Variants in GAD1 observed in about 807,000 individuals in gnomAD.
GAD1 encodes 67 kDa glutamic acid decarboxylase.
In GAD1, 35 loss-of-function variants were observed where a neutral mutation model predicts 75.2. That is an observed-to-expected ratio of 0.47 (90% CI 0.36 to 0.62). The LOEUF is 0.62. GAD1 is among the 20% of genes least tolerant of loss of function. The probability of loss-of-function intolerance (pLI) is 0.00; values close to 1 mark genes in which losing one functional copy is unlikely to be tolerated. For missense variants in GAD1, 490 were observed against 758.5 expected (o/e 0.65, Z 4.16); for synonymous variants, 257 against 271.9 (o/e 0.95, Z 0.54).
intron 12 of GAD1, among the ~76,000 whole-genome samples, chr2:170,850,123 A>G (rs1289936535): frequency 6.6e-6 from 1 of 152,232 alleles, no homozygotes; most frequent in African/African-American, 2.4e-5. Flanking sequence ...CCAGCCACCT[A>G]TGGTGCTTTT....
At chr2:170,820,405 C>T (rs1575422452) in intron 2 of GAD1, among the ~76,000 whole-genome samples, 1 of 152,378 alleles carries the variant, frequency 6.6e-6, no homozygotes, top group African/African-American at 2.4e-5. Flanking sequence ...GTGTCCCAGG[C>T]ACACTGTTGC....
upstream of GAD1, among the ~76,000 whole-genome samples, chr2:170,814,705 A>C (rs1277528459): frequency 6.6e-6 from 1 of 152,200 alleles, no homozygotes; most frequent in Non-Finnish European, 1.5e-5. Context: ...AAAAGTCTTC[A>C]TTCCTCCCCT....
At chr2:170,848,666 T>C in intron 11 of GAD1, 1 of 515,772 alleles carries the variant, frequency 1.9e-6, no homozygotes, top group Non-Finnish European at 3.9e-6. Flanking sequence ...TTTCTTTCTC[T>C]CTGCCCATTT....
At chr2:170,813,969 A>G (rs1701654377), upstream of GAD1, among the ~76,000 whole-genome samples, 1 of 152,128 alleles carries the variant, frequency 6.6e-6, no homozygotes, top group Non-Finnish European at 1.5e-5. Flanking sequence ...AAGCGCTTCA[A>G]ATACAATCGA....
At chr2:170,814,848 T>G (rs989278950), upstream of GAD1, among the ~76,000 whole-genome samples, 6 of 152,172 alleles carry the variant, frequency 3.9e-5, no homozygotes, top group Non-Finnish European at 7.3e-5. Flanking sequence ...TAGGGGTGTT[T>G]TGAACTCTGG....
chr2:170,836,964 C>A lies in GAD1; in HGVS notation c.638+81C>A, dbSNP rs901525749. 9 of 966,012 alleles carry A rather than the reference C, an allele frequency of 9.3e-6. No homozygotes were observed. In the African/African-American group the frequency reaches 1.4e-4, roughly 16 times the overall value. The allele number at this position is 966,012 out of a possible 1,614,324, so 59.8% of individuals were successfully genotyped here. A position where few individuals can be genotyped will look rare whatever the true frequency, so the allele number is the denominator to read the frequency against. On this transcript the variant is annotated intron_variant, in intron 6 of 16. Transcript: ENST00000358196. ...CTTTAAAAGTTCAGTCCCAGTGGTT[C>A]TATTTTATTAAAGTTTCCCTGGTCA...
chr2:170,850,596 C>T (rs1023358425), intron 12 of GAD1, among the ~76,000 whole-genome samples: 9 of 152,226 alleles, frequency 5.9e-5, no homozygotes, highest in African/African-American at 1.4e-4. Context: ...GCTTCTCCCA[C>T]AGCCAGGACT....
chr2:170,833,676 C>A (rs891647480), intron 5 of GAD1, among the ~76,000 whole-genome samples: 1 of 152,158 alleles, frequency 6.6e-6, no homozygotes, highest in African/African-American at 2.4e-5. Flanking sequence ...ATAATATCAA[C>A]TAATATTATC....
At chr2:170,842,343 C>T (rs557010503) in intron 6 of GAD1, among the ~76,000 whole-genome samples, 1 of 152,314 alleles carries the variant, frequency 6.6e-6, no homozygotes, top group South Asian at 2.1e-4. Context: ...TGCCTTACCC[C>T]AGAGAGCTTT....
intron 14 of GAD1, among the ~76,000 whole-genome samples, chr2:170,856,438 C>T (rs1702852659): frequency 6.6e-6 from 1 of 152,264 alleles, no homozygotes; most frequent in Non-Finnish European, 1.5e-5. Context: ...CAAGGACTTA[C>T]TGCTGGGGAA....
chr2:170,837,053 T>C (rs556211147), intron 6 of GAD1, among the ~76,000 whole-genome samples, 170 bp downstream of exon 6: 1 of 152,368 alleles, frequency 6.6e-6, no homozygotes, highest in South Asian at 2.1e-4. Context: ...CTTGATAAAC[T>C]ATTGTTGAAT....
At chr2:170,815,560 C>A (rs1031032291), upstream of GAD1, among the ~76,000 whole-genome samples, 1 of 152,086 alleles carries the variant, frequency 6.6e-6, no homozygotes, top group Non-Finnish European at 1.5e-5. Flanking sequence ...AGAAAACGGA[C>A]GGGCCTCCGC....
rs1459255674 is a variant in GAD1, at chr2:170,857,250, T to C, written c.1521+125T>C. 7.1e-6 allele frequency: 5 copies of C among 708,164 alleles called. No individual in the cohort carries two copies. In the African/African-American group the frequency reaches 7.2e-5, roughly 10 times the overall value. 43.9% of individuals were successfully genotyped at this position (708,164 alleles called of 1,614,324 possible). A position where few individuals can be genotyped will look rare whatever the true frequency, so the allele number is the denominator to read the frequency against. ...GCCAGAAACTGCTTCAAAATTTTTA[T>C]TCTTATACACTCTTAATTCCTCTCT... On this transcript the variant is annotated intron_variant, in intron 15 of 16. Coordinates refer to ENST00000358196, the MANE Select transcript of GAD1 (RefSeq NM_000817.3).
At chr2:170,836,935 G>T (rs902258931) in intron 6 of GAD1, 52 bp downstream of exon 6, 1 of 1,314,324 alleles carries the variant, frequency 7.6e-7, no homozygotes, top group Non-Finnish European at 1.1e-6. Context: ...ACTATGGCTT[G>T]TTGCTTTAAA....
At chr2:170,831,895 G>A (rs1032868800) in intron 5 of GAD1, among the ~76,000 whole-genome samples, 2 of 150,864 alleles carry the variant, frequency 1.3e-5, no homozygotes, top group African/African-American at 4.9e-5. Flanking sequence ...GAGGCCAAGA[G>A]GCAGAGGCTG....
intron 4 of GAD1, among the ~76,000 whole-genome samples, chr2:170,830,074 A>G (rs745412570): frequency 1.3e-5 from 2 of 152,162 alleles, no homozygotes; most frequent in Non-Finnish European, 2.9e-5. Flanking sequence ...GAGATGTTTT[A>G]CTAACCCCTG....
chr2:170,854,826 T>C (rs1368767648), intron 14 of GAD1, among the ~76,000 whole-genome samples: 1 of 152,236 alleles, frequency 6.6e-6, no homozygotes, highest in Non-Finnish European at 1.5e-5. Flanking sequence ...GTATACTTTA[T>C]TGTGAAAAAT....
intron 5 of GAD1, among the ~76,000 whole-genome samples, chr2:170,832,068 T>C (rs998297823): frequency 6.6e-6 from 1 of 152,144 alleles, no homozygotes; most frequent in Non-Finnish European, 1.5e-5. Flanking sequence ...TCAGGTCTAT[T>C]TCATTCTGAT....
At chr2:170,843,892 T>C (rs1434314367) in intron 6 of GAD1, 153 bp from the exon 7 acceptor site, 9 of 645,652 alleles carry the variant, frequency 1.4e-5, no homozygotes, top group Non-Finnish European at 2.0e-5. Context: ...GATCGGCGAC[T>C]TAATGCATTT....
Sources: allele counts gnomAD v4.1 joint callset (sites outside exome capture counted in the v4.1 genomes callset), GRCh38; gene constraint gnomAD v4.1.1; transcripts MANE v1.5; gene names NCBI Gene and HGNC (gene_info 2026-07-23, HGNC 2026-07-21).